The following WWOX variants were observed in gnomAD, a reference collection of about 807,000 sequenced individuals.
WWOX encodes WW domain containing oxidoreductase, also known as WW domain-containing oxidoreductase.
A neutral mutation model predicts 46.2 loss-of-function variants in WWOX; 69 were observed. The ratio of observed to expected loss-of-function variants is 1.49; its 90% CI spans 1.23 to 1.82. WWOX has a LOEUF of 1.82. WWOX is among the 40% of genes most tolerant of loss of function. The pLI, the probability that WWOX is intolerant of heterozygous loss-of-function variation, is 0.00. For missense variants in WWOX, 919 were observed against 542.6 expected, an observed-to-expected ratio of 1.69 and a Z score of -6.89; for synonymous variants, 359 against 202.6, an observed-to-expected ratio of 1.77 and a Z score of -6.56.
intron 8 of WWOX, among the ~76,000 whole-genome samples, chr16:78,669,621 G>C (rs2047413921): frequency 6.6e-6 from 1 of 152,166 alleles, no homozygotes; most frequent in Non-Finnish European, 1.5e-5. Flanking sequence ...AACTAAATGA[G>C]TCAGTTTCAG....
At chr16:78,187,139 T>C (rs1278023176) in intron 5 of WWOX, among the ~76,000 whole-genome samples, 1 of 152,208 alleles carries the variant, frequency 6.6e-6, no homozygotes, top group Non-Finnish European at 1.5e-5. Context: ...CTTTGAGTTA[T>C]ATCTTAACCA....
chr16:78,660,784 A>G (rs2047191710), intron 8 of WWOX, among the ~76,000 whole-genome samples: 1 of 152,218 alleles, frequency 6.6e-6, no homozygotes, highest in Admixed American at 6.5e-5. Context: ...TGCATTTAGC[A>G]TCAGTTGCAG....
intron 8 of WWOX, among the ~76,000 whole-genome samples, chr16:78,822,558 C>T (rs761771268): frequency 5.7e-4 from 86 of 152,094 alleles, no homozygotes; most frequent in Admixed American, 1.2e-3. Flanking sequence ...CCCATCCCCA[C>T]CTAGAATTCT....
intron 8 of WWOX, among the ~76,000 whole-genome samples, chr16:78,840,254 C>T (rs935330972): frequency 2.6e-5 from 4 of 152,176 alleles, no homozygotes; most frequent in African/African-American, 4.8e-5. Flanking sequence ...GACTCTGTGA[C>T]ACTGAGCAAA....
chr16:78,129,020 G>T (rs1442768937), intron 4 of WWOX, among the ~76,000 whole-genome samples: 1 of 152,162 alleles, frequency 6.6e-6, no homozygotes, highest in Non-Finnish European at 1.5e-5. Flanking sequence ...CTCTGTAGTA[G>T]ATCCATATGG....
Position 78,410,959 on chromosome 16 carries a change from C to T in WWOX, c.606-13911C>T, listed in dbSNP as rs367971596. On this transcript the variant is annotated intron_variant, in intron 6 of 8. Coordinates refer to ENST00000566780, the MANE Select transcript of WWOX (RefSeq NM_016373.4). ...ATAATTCCTGACTATTGACCAGAGG[C>T]GAACCTCAGTTCCCTGCCATGTGGG... 1.8e-4 allele frequency among the ~76,000 whole-genome samples: 27 copies of T among 152,218 alleles called. No individual in the cohort carries two copies. In the South Asian group the frequency reaches 4.6e-3, roughly 26 times the overall value.
At chr16:78,149,718 A>C (rs1009102362) in intron 4 of WWOX, among the ~76,000 whole-genome samples, 2 of 152,202 alleles carry the variant, frequency 1.3e-5, no homozygotes, top group Non-Finnish European at 2.9e-5. Flanking sequence ...TATATCTCGT[A>C]ATATCCACAG....
chr16:78,220,505 C>G (rs1349645538), intron 5 of WWOX, among the ~76,000 whole-genome samples: 1 of 152,124 alleles, frequency 6.6e-6, no homozygotes, highest in Non-Finnish European at 1.5e-5. Flanking sequence ...TGGTTATTTT[C>G]TGATCATAAC....
intron 5 of WWOX, among the ~76,000 whole-genome samples, chr16:78,334,221 A>G (rs990225414): frequency 2.6e-5 from 4 of 152,240 alleles, no homozygotes; most frequent in Non-Finnish European, 4.4e-5. Context: ...CATCGCTGCC[A>G]CAAACTGCGG....
chr16:78,801,442 G>C (rs1487377846), intron 8 of WWOX, among the ~76,000 whole-genome samples: 1 of 152,174 alleles, frequency 6.6e-6, no homozygotes, highest in Non-Finnish European at 1.5e-5. Flanking sequence ...CCAGGAGGTA[G>C]AGGTTGCAGT....
At chr16:78,404,242 A>G (rs1204110582) in intron 6 of WWOX, among the ~76,000 whole-genome samples, 2 of 152,176 alleles carry the variant, frequency 1.3e-5, no homozygotes, top group Non-Finnish European at 2.9e-5. Flanking sequence ...TCTTAGTGTG[A>G]TGAAAGATGC....
intron 6 of WWOX, among the ~76,000 whole-genome samples, chr16:78,416,339 C>G (rs533914421): frequency 6.6e-5 from 10 of 152,282 alleles, no homozygotes; most frequent in Non-Finnish European, 1.3e-4. Context: ...AATTCTTTTC[C>G]TTTTGTACAA....
chr16:78,596,959 A>G (rs892487492), intron 8 of WWOX, among the ~76,000 whole-genome samples: 3 of 152,102 alleles, frequency 2.0e-5, no homozygotes, highest in African/African-American at 4.8e-5. Context: ...AACAGTAACC[A>G]TGTTCTAGCT....
At chr16:78,632,793 G>A (rs1037487170) in intron 8 of WWOX, among the ~76,000 whole-genome samples, 6 of 151,674 alleles carry the variant, frequency 4.0e-5, no homozygotes, top group East Asian at 4.0e-4. Flanking sequence ...CCTGACCTCA[G>A]GTGATCCACC....
intron 8 of WWOX, among the ~76,000 whole-genome samples, chr16:79,026,976 A>G (rs2047657872): frequency 6.6e-6 from 1 of 151,284 alleles, no homozygotes; most frequent in African/African-American, 2.4e-5. Flanking sequence ...CTGAGTAAAT[A>G]AAGAAAAGTT....
intron 8 of WWOX, among the ~76,000 whole-genome samples, chr16:78,943,400 C>A (rs1418568230): frequency 5.3e-5 from 8 of 152,164 alleles, no homozygotes. Context: ...CATCGCCACT[C>A]CCCCAGGCCA....
At chr16:79,135,434 T>G (rs2042413) in intron 8 of WWOX, among the ~76,000 whole-genome samples, 1 of 152,020 alleles carries the variant, frequency 6.6e-6, no homozygotes, top group Non-Finnish European at 1.5e-5. Context: ...CATTTACTTA[T>G]GTAATAAATC....
chr16:78,319,658 A>G (rs2080424845), intron 5 of WWOX, among the ~76,000 whole-genome samples: 1 of 152,210 alleles, frequency 6.6e-6, no homozygotes, highest in Non-Finnish European at 1.5e-5. Flanking sequence ...AATGTGTCAC[A>G]TAGCAATGGA....
chr16:78,139,455 C>A (rs1309812233), intron 4 of WWOX, among the ~76,000 whole-genome samples: 1 of 152,102 alleles, frequency 6.6e-6, no homozygotes, highest in Non-Finnish European at 1.5e-5. Context: ...ACCAGCCTGG[C>A]CAACATGGTG....
Sources: gnomAD v4.1 joint callset for allele counts (sites outside exome capture counted in the v4.1 genomes callset) on GRCh38, gnomAD v4.1.1 for gene constraint, MANE v1.5 for transcripts, NCBI Gene and HGNC (gene_info 2026-07-23, HGNC 2026-07-21) for gene names.